LAMA5: variants seen among roughly 807,000 people sequenced by gnomAD.
LAMA5 encodes laminin subunit alpha 5, also known as laminin subunit alpha-5.
In LAMA5, 260 loss-of-function variants were observed where a neutral mutation model predicts 433.4. That is an observed-to-expected ratio of 0.60 (90% CI 0.54 to 0.66). The LOEUF is 0.66. LAMA5 is among the 30% of genes least tolerant of loss of function. LAMA5 has a pLI of 0.00. For synonymous variants in LAMA5, 2,620 were observed against 2,226.6 expected (o/e 1.18, Z -4.97); for missense variants, 5,378 against 5,258.5 (o/e 1.02, Z -0.70).
chr20:62,315,359 A>G, intron 58 of LAMA5, 152 bp from the exon 59 acceptor site: 1 of 662,244 alleles, frequency 1.5e-6, no homozygotes. Context: ...TGCAATCCAA[A>G]CCCATCCTAA....
chr20:62,346,924 T>C lies in LAMA5; in HGVS notation c.1061A>G (p.Asn354Ser), dbSNP rs779267687. Residue 354 changes from asparagine (N) to serine (S), a missense_variant, in exon 7 of 80, where the codon AAC becomes AGC. By Grantham distance (46) the Asn-to-Ser change is conservative. Coordinates refer to ENST00000252999, the MANE Select transcript of LAMA5 (RefSeq NM_005560.6). ...GAGGAGGCACTCACACTGGCACTCG[T>C]TGGCACTGTTGGCAGTCGCAGGCTT... ...PWKPATANSA[N>S]ECQSCNCYGH... 15 of 1,612,788 alleles carry C rather than the reference T, an allele frequency of 9.3e-6. No individual in the cohort carries two copies. Among genetic ancestry groups the C allele is most frequent in the African/African-American group, 5.3e-5 (4 of 74,918 alleles).
In LAMA5 at chr20:62,315,998, T is replaced by G. The variant is rs1049740521; in HGVS notation, c.7817A>C (p.Gln2606Pro). ...CGCCGCCTGGATGTGCGCCTCCAGC[T>G]GGTCCTTCTTGGCCCGGACATCTCG... Reference protein sequence around the residue: ...QLRDVRAKKDQLEAHIQAAQA... With the variant: ...QLRDVRAKKDPLEAHIQAAQA... The change falls in exon 58 of 80, where the codon CAG (glutamine) becomes CCG (proline). Residue 2606 changes from glutamine (Q) to proline (P), a missense_variant. Gln to Pro is a moderately conservative substitution (Grantham distance 76, BLOSUM62 -1). Transcript: ENST00000252999. 5.0e-6 allele frequency: 8 copies of G among 1,609,640 alleles called. No individual in the cohort carries two copies. The highest frequency in any genetic ancestry group is 6.8e-6 in the Non-Finnish European group (8 of 1,179,534).
At chr20:62,321,465 G>C (rs1449522416) in intron 48 of LAMA5, among the ~76,000 whole-genome samples, 6 of 28,014 alleles carry the variant, frequency 2.1e-4, no homozygotes, top group South Asian at 1.4e-3. Context: ...GGCCAGCAGA[G>C]GGGTGGGGTC....
In LAMA5 at chr20:62,322,213, G is replaced by C. The variant is rs754602406; in HGVS notation, c.6347-45C>G. The C allele has an allele frequency of 4.5e-6, 7 of 1,564,148 alleles. No individual in the cohort carries two copies. In the African/African-American group the frequency reaches 6.8e-5, roughly 15 times the overall value. ...TGAGCATGGCTGGCCTGGGACCTTG[G>C]AGCGTACCCCACTCAGAAGTCCCCA... On this transcript the variant is annotated intron_variant, in intron 47 of 79. Transcript: ENST00000252999.
At chr20:62,309,940 C>T (rs764781237) in intron 78 of LAMA5, 48 bp downstream of exon 78, 4 of 1,606,106 alleles carry the variant, frequency 2.5e-6, no homozygotes, top group South Asian at 1.1e-5. Context: ...TCCCGCTCTG[C>T]AGAAGGGTGG....
chr20:62,328,363 C>A lies in LAMA5; in HGVS notation c.4530G>T (p.Leu1510=). The A allele has an allele frequency of 6.3e-7, 1 of 1,585,958 alleles. No homozygotes were observed. The highest frequency in any genetic ancestry group is 8.6e-7 in the Non-Finnish European group (1 of 1,165,752). The change falls in exon 35 of 80, where the codon CTG becomes CTT. Residue 1510 remains leucine (L), a synonymous_variant. Coordinates refer to ENST00000252999, the MANE Select transcript of LAMA5 (RefSeq NM_005560.6). ...CPPRTIPPDC[L]LCQPQTFGCH... ...AGCCAAAGGTCTGGGGCTGGCACAG[C>A]AGGCAGTCGGGCGGGATGGTGCGTG... is the stretch of plus-strand genomic sequence containing the variant.
Position 62,351,798 on chromosome 20 carries a change from A to G in LAMA5, c.862T>C (p.Tyr288His). ...ATGCTGATATCCTTGATGCTGTAAT[A>G]ATACTGCACCCGCAGGCCCCGTGAG... Reference protein sequence around the residue: ...LRDPTVTRRYYYSIKDISIGG... With the variant: ...LRDPTVTRRYHYSIKDISIGG... The change falls in exon 6 of 80, where the codon TAT becomes CAT. Residue 288 changes from tyrosine to histidine, a missense_variant. Physicochemically the swap from Tyr to His is moderately conservative, Grantham distance 83. Coordinates refer to ENST00000252999, the MANE Select transcript of LAMA5 (RefSeq NM_005560.6). 6.2e-7 allele frequency: 1 copy of G among 1,607,482 alleles called. No individual in the cohort carries two copies. Among genetic ancestry groups the G allele is most frequent in the Non-Finnish European group, 8.5e-7 (1 of 1,178,308 alleles).
chr20:62,332,157 C>G (rs2146196771), intron 28 of LAMA5, among the ~76,000 whole-genome samples: 2 of 152,306 alleles, frequency 1.3e-5, no homozygotes, highest in East Asian at 3.9e-4. Context: ...AGGTGCTTTC[C>G]TGAGCACATG....
chr20:62,353,845 G>A (rs1453678391), intron 2 of LAMA5, among the ~76,000 whole-genome samples: 1 of 152,068 alleles, frequency 6.6e-6, no homozygotes, highest in African/African-American at 2.4e-5. Flanking sequence ...CCACAGCCAG[G>A]GGCCCACTGA....
chr20:62,313,621 C>T (rs1986569650), intron 63 of LAMA5, 28 bp downstream of exon 63: 3 of 1,610,798 alleles, frequency 1.9e-6, no homozygotes, highest in Middle Eastern at 1.7e-4. Flanking sequence ...GAGCCCCTCC[C>T]AGGCTGCCCC....
chr20:62,324,188 G>A lies in LAMA5; in HGVS notation c.5660C>T (p.Thr1887Ile). 1 of 1,576,626 alleles carries A rather than the reference G, an allele frequency of 6.3e-7. No homozygotes were observed. Among genetic ancestry groups the A allele is most frequent in the South Asian group, 1.2e-5 (1 of 85,020 alleles). Residue 1887 changes from threonine (T) to isoleucine (I), a missense_variant, in exon 43 of 80, where the codon ACC becomes ATC. Coordinates refer to ENST00000252999, the MANE Select transcript of LAMA5 (RefSeq NM_005560.6). This position sits in a 1 kb window ranked among gnomAD's most constrained non-coding sequence, Gnocchi z 4.4. ...SGVCVDCQHN[T>I]EGAHCERCQA... ...GCAGCGCTCACAGTGGGCCCCTTCG[G>A]TGTTGTGCTGGCAGTCCTGGGGCAG... is the stretch of plus-strand genomic sequence containing the variant.
chr20:62,319,185 A>G (rs1173812631), intron 51 of LAMA5, 172 bp from the exon 52 acceptor site: 1 of 627,674 alleles, frequency 1.6e-6, no homozygotes, highest in East Asian at 2.8e-5. Flanking sequence ...CAGCTGCCTC[A>G]CCTGCCCGGC....
At position 62,333,898 on chromosome 20, in the gene LAMA5, C is replaced by G; in HGVS notation, c.2878+3G>C. 6 of 1,581,946 alleles carry G rather than the reference C, an allele frequency of 3.8e-6. No individual in the cohort carries two copies. Among genetic ancestry groups the G allele is most frequent in the Non-Finnish European group, 5.2e-6 (6 of 1,159,444 alleles). On this transcript the variant is annotated splice_donor_region_variant and intron_variant, in intron 23 of 79. Coordinates refer to ENST00000252999, the MANE Select transcript of LAMA5 (RefSeq NM_005560.6). ...GGGGCTGTGGCCCAGGGACCCCACT[C>G]ACAGTTGGCGCAGGTGGCCGACCTG...
At chr20:62,321,755 T>TGGGGCCAGCGGAGGGGG (rs1568919026) in intron 48 of LAMA5, among the ~76,000 whole-genome samples, 4 of 4,598 alleles carry the variant, frequency 8.7e-4, no homozygotes, top group Non-Finnish European at 1.3e-3. Context: ...AGTGGAGGGG[T>TGGGGCCAGCGGAGGGGG]GGGGTCAGTG....
At chr20:62,362,750 T>C (rs1986283284) in intron 1 of LAMA5, among the ~76,000 whole-genome samples, 198 bp from the exon 2 acceptor site, 1 of 152,082 alleles carries the variant, frequency 6.6e-6, no homozygotes, top group Non-Finnish European at 1.5e-5. Context: ...ATGTGGCTCA[T>C]GTGAGCTGCT....
At chr20:62,339,016 G>T (rs1982154906) in intron 11 of LAMA5, among the ~76,000 whole-genome samples, 1 of 143,496 alleles carries the variant, frequency 7.0e-6, no homozygotes, top group Admixed American at 7.2e-5. Context: ...CAGCCTGGGC[G>T]ACAGGGTGAG....
chr20:62,320,474 T>C lies in LAMA5; in HGVS notation c.6759+85A>G, dbSNP rs1987564426. ...ACTGACACATGTACGAGGCATGAAG[T>C]AACATCTGCTGAATGAGGACAAGCG... On this transcript the variant is annotated intron_variant, in intron 50 of 79. Coordinates refer to ENST00000252999, the MANE Select transcript of LAMA5 (RefSeq NM_005560.6). 3 of 1,018,038 alleles carry C rather than the reference T, an allele frequency of 2.9e-6. 1 individual carries two copies. Among genetic ancestry groups the C allele is most frequent in the East Asian group, 2.6e-5 (1 of 38,408 alleles). The allele number at this position is 1,018,038 out of a possible 1,614,324, so 63.1% of individuals were successfully genotyped here. A position where few individuals can be genotyped will look rare whatever the true frequency, so the allele number is the denominator to read the frequency against.
chr20:62,317,212 G>A, intron 55 of LAMA5, 133 bp downstream of exon 55: 2 of 1,203,342 alleles, frequency 1.7e-6, no homozygotes, highest in Non-Finnish European at 2.2e-6. Flanking sequence ...TTGCCGTGGA[G>A]CTGAGGAAGG....
rs756506862 is a variant in LAMA5 at position 62,366,965 on chromosome 20, G to T, written c.281C>A (p.Pro94His). ...LVGGPVAGGDPNQTIRGQYCD... is the reference protein window; with the variant it reads ...LVGGPVAGGDHNQTIRGQYCD... ...TGCGCTCACCCGGATGGTCTGGTTG[G>T]GGTCGCCGCCGGCCACGGGGCCCCC... is the stretch of plus-strand genomic sequence containing the variant. The change falls in exon 1 of 80, where the codon CCC (proline) becomes CAC (histidine). Residue 94 changes from proline (P) to histidine (H), a missense_variant. Physicochemically the swap from Pro to His is moderately conservative, Grantham distance 77 (BLOSUM62 -2). Transcript: ENST00000252999. The T allele has an allele frequency of 1.7e-4, 215 of 1,274,854 alleles. No homozygotes were observed. The highest frequency in any genetic ancestry group is 2.0e-4 in the Non-Finnish European group (202 of 1,011,788). 79.0% of individuals were successfully genotyped at this position (1,274,854 alleles called of 1,614,324 possible). A position where few individuals can be genotyped will look rare whatever the true frequency, so the allele number is the denominator to read the frequency against.
Sources: gnomAD v4.1 joint callset for allele counts (sites outside exome capture counted in the v4.1 genomes callset) on GRCh38, gnomAD v4.1.1 for gene constraint, Gnocchi (gnomAD v3.1) non-coding constraint, MANE v1.5 for transcripts, NCBI Gene and HGNC (gene_info 2026-07-23, HGNC 2026-07-21) for gene names.